Variants in IGFBP2 observed in about 807,000 individuals in gnomAD.
IGFBP2 encodes insulin-like growth factor-binding protein 2.
A neutral mutation model predicts 26.2 loss-of-function variants in IGFBP2; 12 were observed. The ratio of observed to expected loss-of-function variants is 0.46; its 90% CI spans 0.29 to 0.74. The LOEUF (loss-of-function observed/expected upper bound fraction) is 0.74. Among genes scored for constraint, IGFBP2 ranks in the 30% least tolerant of loss-of-function variants. The pLI is 0.09. For synonymous variants in IGFBP2, 189 were observed against 200.6 expected (o/e 0.94, Z 0.49); for missense variants, 328 against 441.2 (o/e 0.74, Z 2.30).
At chr2:216,653,286 A>AT (rs963012774) in intron 1 of IGFBP2, among the ~76,000 whole-genome samples, 1 of 152,284 alleles carries the variant, frequency 6.6e-6, no homozygotes, top group South Asian at 2.1e-4. Flanking sequence ...AGAAAATGAG[A>AT]TTTTGTGGGA....
intron 1 of IGFBP2, among the ~76,000 whole-genome samples, chr2:216,655,369 G>A (rs531868599): frequency 2.0e-5 from 3 of 152,146 alleles, no homozygotes; most frequent in Non-Finnish European, 4.4e-5. Flanking sequence ...TGTTGTTCTC[G>A]TGATAGCGAG....
intron 1 of IGFBP2, among the ~76,000 whole-genome samples, chr2:216,654,071 T>C (rs1211078242): frequency 6.6e-6 from 1 of 152,172 alleles, no homozygotes; most frequent in Non-Finnish European, 1.5e-5. Context: ...CTTAACTCTC[T>C]TAGGCAGAAA....
chr2:216,641,238 T>C (rs1207036952), intron 1 of IGFBP2, among the ~76,000 whole-genome samples: 2 of 152,192 alleles, frequency 1.3e-5, no homozygotes, highest in Admixed American at 1.3e-4. Context: ...CCTTGACAAT[T>C]AGCTGGCCTT....
At chr2:216,652,149 A>G (rs989403014) in intron 1 of IGFBP2, among the ~76,000 whole-genome samples, 3 of 150,478 alleles carry the variant, frequency 2.0e-5, no homozygotes, top group Non-Finnish European at 3.0e-5. Flanking sequence ...CTTGTTTAAC[A>G]GCAGCCATCA....
At chr2:216,656,728 G>A (rs1297628123) in intron 1 of IGFBP2, among the ~76,000 whole-genome samples, 2 of 152,114 alleles carry the variant, frequency 1.3e-5, no homozygotes, top group Non-Finnish European at 1.5e-5. Flanking sequence ...ACCAGACAAC[G>A]TGTTGTTATA....
At chr2:216,650,733 A>G (rs969066831) in intron 1 of IGFBP2, among the ~76,000 whole-genome samples, 1 of 152,222 alleles carries the variant, frequency 6.6e-6, no homozygotes, top group Non-Finnish European at 1.5e-5. Context: ...GGACTTGTGG[A>G]TCTGAAACAT....
chr2:216,633,531 CGAGAGTGGGCTGCCCCGCGCT>C lies in IGFBP2; in HGVS notation c.10_30del (p.Arg4_Leu10del). On this transcript the variant is annotated inframe_deletion, in exon 1 of 4. Coordinates refer to ENST00000233809, the MANE Select transcript of IGFBP2 (RefSeq NM_000597.3). ...GCGCTGCCGACCGCCAGCATGCTGC[CGAGAGTGGGCTGCCCCGCGCT>C]GCCGCTGCCGCCGCCGCCGCTGCTG... 1 of 867,288 alleles carries C rather than the reference CGAGAGTGGGCTGCCCCGCGCT, an allele frequency of 1.2e-6. No individual in the cohort carries two copies. The highest frequency in any genetic ancestry group is 1.4e-6 in the Non-Finnish European group (1 of 718,622). The allele number at this position is 867,288 out of a possible 1,614,324, so 53.7% of individuals were successfully genotyped here. A position where few individuals can be genotyped will look rare whatever the true frequency, so the allele number is the denominator to read the frequency against.
intron 1 of IGFBP2, among the ~76,000 whole-genome samples, chr2:216,650,361 G>A (rs1413811941): frequency 6.6e-6 from 1 of 152,216 alleles, no homozygotes; most frequent in Non-Finnish European, 1.5e-5. Context: ...GGGTGGTGGT[G>A]AAGTCAGGAT....
At position 216,664,292 on chromosome 2, in the gene IGFBP2, A is replaced by G; in HGVS notation, c.*188A>G. 2.2e-6 allele frequency: 1 copy of G among 450,480 alleles called. No individual in the cohort carries two copies. The highest frequency in any genetic ancestry group is 2.0e-5 in the African/African-American group (1 of 50,622). 27.9% of individuals were successfully genotyped at this position (450,480 alleles called of 1,614,324 possible). Reference sequence around the variant, plus strand: ...CTCTCTCTTCCCAGCTGCAGATGCCACACCTGCTCCTTCTTGCTTTCCCCG... The same window carrying G: ...CTCTCTCTTCCCAGCTGCAGATGCCGCACCTGCTCCTTCTTGCTTTCCCCG... On this transcript the variant is annotated 3_prime_UTR_variant, in exon 4 of 4. Coordinates refer to ENST00000233809, the MANE Select transcript of IGFBP2 (RefSeq NM_000597.3). This position sits in a 1 kb window ranked among gnomAD's most constrained non-coding sequence, Gnocchi z 4.6.
intron 1 of IGFBP2, among the ~76,000 whole-genome samples, chr2:216,649,777 T>C (rs1697783191): frequency 6.6e-6 from 1 of 152,170 alleles, no homozygotes; most frequent in African/African-American, 2.4e-5. Flanking sequence ...CTGATGTTTA[T>C]AAAGGAGCCC....
In IGFBP2 at chr2:216,660,795, G is replaced by A. The variant is rs375351012; in HGVS notation, c.672+9G>A. ...GACCACCCCCTGCCAGGGTCAGTGA[G>A]GGTCAGGTCTGGTGGAAGGGGTGGG... On this transcript the variant is annotated intron_variant, in intron 2 of 3. Coordinates refer to ENST00000233809, the MANE Select transcript of IGFBP2 (RefSeq NM_000597.3). 5.4e-5 allele frequency: 84 copies of A among 1,565,740 alleles called. No homozygotes were observed. The highest frequency in any genetic ancestry group is 7.0e-5 in the Non-Finnish European group (81 of 1,156,220).
chr2:216,650,224 C>T (rs555255170), intron 1 of IGFBP2, among the ~76,000 whole-genome samples: 1 of 152,172 alleles, frequency 6.6e-6, no homozygotes, highest in Admixed American at 6.5e-5. Context: ...GCAAGCTCAT[C>T]AGATGATTTC....
chr2:216,643,729 G>T lies in IGFBP2; in HGVS notation c.442+9764G>T, dbSNP rs139701532. On this transcript the variant is annotated intron_variant, in intron 1 of 3. Coordinates refer to ENST00000233809, the MANE Select transcript of IGFBP2 (RefSeq NM_000597.3). Reference sequence around the variant, plus strand: ...AAGAAAGTTTACGAAATTGTGTTGGGCCACATTCAAAGCTCTCCTGGGCTG... The same window carrying T: ...AAGAAAGTTTACGAAATTGTGTTGGTCCACATTCAAAGCTCTCCTGGGCTG... Among the ~76,000 whole-genome samples, 601 of 152,288 alleles carry T rather than the reference G, an allele frequency of 3.9e-3. 2 individuals carry two copies. Among genetic ancestry groups the T allele is most frequent in the Middle Eastern group, 0.024 (7 of 294 alleles).
intron 1 of IGFBP2, among the ~76,000 whole-genome samples, chr2:216,646,399 G>A (rs1177316732): frequency 1.3e-5 from 2 of 152,174 alleles, no homozygotes; most frequent in East Asian, 3.9e-4. Flanking sequence ...TGCCTTTCTT[G>A]ACTTGCTCAC....
chr2:216,645,371 G>T (rs1697691628), intron 1 of IGFBP2, among the ~76,000 whole-genome samples: 1 of 152,208 alleles, frequency 6.6e-6, no homozygotes, highest in African/African-American at 2.4e-5. Flanking sequence ...AAGCCCTGGG[G>T]CTAAAAGGTC....
chr2:216,637,171 T>G (rs531907266), intron 1 of IGFBP2, among the ~76,000 whole-genome samples: 12 of 152,280 alleles, frequency 7.9e-5, no homozygotes, highest in African/African-American at 2.6e-4. Context: ...CTACTGTCAC[T>G]GATTGTTAAC....
intron 1 of IGFBP2, among the ~76,000 whole-genome samples, chr2:216,638,233 G>A (rs1454778882): frequency 2.0e-5 from 3 of 151,298 alleles, no homozygotes; most frequent in Admixed American, 6.6e-5. Context: ...GGCCAGGCGC[G>A]GTGGCTCACG....
At chr2:216,648,518 TC>T (rs1484057880) in intron 1 of IGFBP2, among the ~76,000 whole-genome samples, 1 of 152,182 alleles carries the variant, frequency 6.6e-6, no homozygotes, top group African/African-American at 2.4e-5. Context: ...TTGGTCCTCT[TC>T]CAGTAGGGCT....
chr2:216,638,713 T>C (rs1401031469), intron 1 of IGFBP2, among the ~76,000 whole-genome samples: 1 of 151,726 alleles, frequency 6.6e-6, no homozygotes, highest in Non-Finnish European at 1.5e-5. Context: ...TTTCTTTTTT[T>C]TTTTGAGACG....
Sources: gnomAD v4.1 joint callset for allele counts (sites outside exome capture counted in the v4.1 genomes callset) on GRCh38, gnomAD v4.1.1 for gene constraint, Gnocchi (gnomAD v3.1) non-coding constraint, MANE v1.5 for transcripts, NCBI Gene and HGNC (gene_info 2026-07-23, HGNC 2026-07-21) for gene names.